The following STX8 variants were observed in gnomAD, a reference collection of about 807,000 sequenced individuals.
The protein encoded by STX8 is syntaxin-8.
STX8 carries 23 observed loss-of-function variants against 37.5 expected under a neutral mutation model. The observed-to-expected ratio is 0.61, with a 90% CI of 0.44 to 0.87. The LOEUF (loss-of-function observed/expected upper bound fraction) is 0.87, where lower values mean the gene tolerates loss of function less well. STX8 is among the 40% of genes least tolerant of loss of function. The probability of loss-of-function intolerance (pLI) is 0.00; values close to 1 mark genes in which losing one functional copy is unlikely to be tolerated. For synonymous variants in STX8, 115 were observed against 99.1 expected, an observed-to-expected ratio of 1.16 and a Z score of -0.95; for missense variants, 313 against 284.7, an observed-to-expected ratio of 1.10 and a Z score of -0.71.
intron 4 of STX8, among the ~76,000 whole-genome samples, chr17:9,538,729 T>A (rs1054402382): frequency 5.3e-5 from 8 of 152,212 alleles, no homozygotes; most frequent in African/African-American, 1.9e-4. Context: ...CTAAACAACT[T>A]CCTATTCCCT....
chr17:9,288,703 TA>T (rs1312059318), intron 7 of STX8, among the ~76,000 whole-genome samples: 1 of 150,276 alleles, frequency 6.7e-6, no homozygotes, highest in African/African-American at 2.5e-5. Context: ...AATAAATAAA[TA>T]AAAGAATTTC....
At chr17:9,443,357 C>T (rs1904730750) in intron 6 of STX8, among the ~76,000 whole-genome samples, 1 of 152,116 alleles carries the variant, frequency 6.6e-6, no homozygotes, top group Non-Finnish European at 1.5e-5. Flanking sequence ...TACAATGTAC[C>T]TACTATATGT....
At chr17:9,557,349 G>A (rs1022572892) in intron 3 of STX8, 85 bp downstream of exon 3, 2 of 1,136,764 alleles carry the variant, frequency 1.8e-6, no homozygotes, top group African/African-American at 1.5e-5. Flanking sequence ...GGGAAAATCT[G>A]GGTGGCCCAG....
At chr17:9,487,818 C>T (rs970180041) in intron 6 of STX8, among the ~76,000 whole-genome samples, 2 of 152,142 alleles carry the variant, frequency 1.3e-5, no homozygotes, top group Admixed American at 6.6e-5. Context: ...ATACACGTCG[C>T]CACGTGGATG....
chr17:9,496,680 C>G (rs563540382), intron 5 of STX8, among the ~76,000 whole-genome samples: 1 of 152,094 alleles, frequency 6.6e-6, no homozygotes, highest in African/African-American at 2.4e-5. Flanking sequence ...AAATCTGAGA[C>G]GGGGGATTAG....
chr17:9,479,211 T>C (rs1326730566), intron 6 of STX8, among the ~76,000 whole-genome samples: 2 of 151,972 alleles, frequency 1.3e-5, no homozygotes, highest in East Asian at 3.9e-4. Flanking sequence ...TGTGGGACAA[T>C]GAAAAAATAT....
intron 7 of STX8, among the ~76,000 whole-genome samples, chr17:9,372,779 ATTTTTTTT>A (rs72485507): frequency 1.3e-4 from 14 of 109,564 alleles, no homozygotes; most frequent in African/African-American, 4.1e-4. Context: ...CCCAGCCCTC[ATTTTTTTT>A]TTTTTTTTTT....
rs201133611 is a variant in STX8, at chr17:9,280,223, C to CA, written c.644-29579dup. Among the ~76,000 whole-genome samples, 638 of 150,936 alleles carry CA rather than the reference C, an allele frequency of 4.2e-3. 4 individuals carry two copies. Among genetic ancestry groups the CA allele is most frequent in the African/African-American group, 0.015 (600 of 41,152 alleles). ...AGACACAGTGAGTAAGATCCTATCT[C>CA]AAAAAAAAGAAAAAAAGAAAATCAA... is the stretch of plus-strand genomic sequence containing the variant. On this transcript the variant is annotated intron_variant, in intron 7 of 7. Coordinates refer to ENST00000306357, the MANE Select transcript of STX8 (RefSeq NM_004853.3).
intron 7 of STX8, among the ~76,000 whole-genome samples, chr17:9,272,972 A>G (rs1226186146): frequency 6.6e-6 from 1 of 152,264 alleles, no homozygotes; most frequent in African/African-American, 2.4e-5. Flanking sequence ...CATTATTTAT[A>G]ATATTCCGAA....
At chr17:9,347,479 A>G (rs1910571285) in intron 7 of STX8, among the ~76,000 whole-genome samples, 1 of 152,232 alleles carries the variant, frequency 6.6e-6, no homozygotes, top group South Asian at 2.1e-4. Context: ...ATACACTCCC[A>G]ATGTTGTGCA....
intron 7 of STX8, among the ~76,000 whole-genome samples, chr17:9,321,554 CT>C (rs1269519112): frequency 1.3e-5 from 2 of 151,882 alleles, no homozygotes; most frequent in Admixed American, 6.5e-5. Context: ...GAGTCTCCCC[CT>C]GTCGCCCAGG....
chr17:9,257,664 CCTA>C (rs561748517), intron 7 of STX8, among the ~76,000 whole-genome samples: 31 of 152,244 alleles, frequency 2.0e-4, no homozygotes, highest in African/African-American at 7.2e-4. Flanking sequence ...GCCTTAGCTG[CCTA>C]CTACTATTTT....
At chr17:9,456,890 T>G (rs1489218135) in intron 6 of STX8, among the ~76,000 whole-genome samples, 1 of 152,122 alleles carries the variant, frequency 6.6e-6, no homozygotes, top group African/African-American at 2.4e-5. Context: ...GATTCTGGGG[T>G]TTTTTTCTCC....
At chr17:9,387,613 A>G (rs889489531) in intron 6 of STX8, among the ~76,000 whole-genome samples, 1 of 152,078 alleles carries the variant, frequency 6.6e-6, no homozygotes, top group African/African-American at 2.4e-5. Flanking sequence ...CATTTTTATG[A>G]TCTGTGCCTC....
At position 9,328,007 on chromosome 17, in the gene STX8, CT is replaced by C. The variant is rs559236600; in HGVS notation, c.643+50544del. 8.8e-3 allele frequency among the ~76,000 whole-genome samples: 1,319 copies of C among 149,936 alleles called. 14 individuals are homozygous for C. Among genetic ancestry groups the C allele is most frequent in the Non-Finnish European group, 0.013 (848 of 67,622 alleles). The stretch of plus-strand genomic sequence containing the variant: ...CCTTCTTTTGTCTCTCTCTTTCCTT[CT>C]CTCTCATTCTTTCTCTTTCCTCCTT... On this transcript the variant is annotated intron_variant, in intron 7 of 7. Coordinates refer to ENST00000306357, the MANE Select transcript of STX8 (RefSeq NM_004853.3).
chr17:9,520,640 T>G (rs1385208947), intron 4 of STX8, among the ~76,000 whole-genome samples: 1 of 152,206 alleles, frequency 6.6e-6, no homozygotes, highest in African/African-American at 2.4e-5. Flanking sequence ...TGATTTCATT[T>G]TCATCCCCCA....
At chr17:9,337,982 A>G (rs1458029086) in intron 7 of STX8, among the ~76,000 whole-genome samples, 3 of 150,972 alleles carry the variant, frequency 2.0e-5, no homozygotes, top group Admixed American at 6.6e-5. Flanking sequence ...AGATCCTGCT[A>G]GGCTACGGAA....
intron 6 of STX8, among the ~76,000 whole-genome samples, chr17:9,391,382 G>A (rs1358884063): frequency 6.6e-6 from 1 of 152,108 alleles, no homozygotes; most frequent in Non-Finnish European, 1.5e-5. Context: ...AACCTGGGAA[G>A]TGGAGGTTGC....
At chr17:9,330,701 G>A (rs906086873) in intron 7 of STX8, among the ~76,000 whole-genome samples, 14 of 152,188 alleles carry the variant, frequency 9.2e-5, no homozygotes, top group African/African-American at 3.1e-4. Context: ...GTTCGCACTC[G>A]CTCCTGCCTC....
Sources: gnomAD v4.1 joint callset for allele counts (sites outside exome capture counted in the v4.1 genomes callset) on GRCh38, gnomAD v4.1.1 for gene constraint, MANE v1.5 for transcripts, NCBI Gene and HGNC (gene_info 2026-07-23, HGNC 2026-07-21) for gene names.